Variants in NDUFV1 observed in about 807,000 individuals in gnomAD.
NDUFV1 encodes the protein NADH:ubiquinone oxidoreductase core subunit V1, also known as NADH dehydrogenase [ubiquinone] flavoprotein 1, mitochondrial.
Under a neutral mutation model 48.7 loss-of-function variants are expected in NDUFV1, and 41 were observed. That is an observed-to-expected ratio of 0.84 (90% CI 0.66 to 1.09). The LOEUF is 1.09. Ranked by LOEUF, NDUFV1 falls within the 50% of genes least tolerant of loss-of-function variation. The pLI is 0.00. For synonymous variants in NDUFV1, 231 were observed against 259.1 expected (o/e 0.89, Z 1.04); for missense variants, 580 against 645.4 (o/e 0.90, Z 1.10).
chr11:67,609,957 C>CA, intron 4 of NDUFV1: 1 of 366,016 alleles, frequency 2.7e-6, no homozygotes, highest in Middle Eastern at 7.5e-4. Context: ...TAAACAATTC[C>CA]TATTTGGAGA....
chr11:67,607,201 A>G (rs1213923351), intron 1 of NDUFV1, 125 bp downstream of exon 1: 1 of 1,104,610 alleles, frequency 9.1e-7, no homozygotes, highest in Non-Finnish European at 1.3e-6. Context: ...GCCAGGCGGG[A>G]AGGCCCCCGC....
Position 67,612,158 on chromosome 11 carries a change from A to AG in NDUFV1, c.1207dup (p.Asp403GlyfsTer27), listed in dbSNP as rs766830864. 5 of 1,612,662 alleles carry AG rather than the reference A, an allele frequency of 3.1e-6. No homozygotes were observed. Among genetic ancestry groups the AG allele is most frequent in the Non-Finnish European group, 3.4e-6 (4 of 1,179,662 alleles). Reference sequence around the variant, plus strand: ...GAACAAGGTGATGGCACGTTTCGTGAGGGGGGATGCCCGGCCGGCCGAGAT... The same window carrying AG: ...GAACAAGGTGATGGCACGTTTCGTGAGGGGGGGATGCCCGGCCGGCCGAGAT... On this transcript the variant is annotated frameshift_variant, in exon 9 of 10. Coordinates refer to ENST00000322776, the MANE Select transcript of NDUFV1 (RefSeq NM_007103.4). LOFTEE classifies it high-confidence loss of function. The surrounding 1 kb of genome is among the most constrained non-coding windows in gnomAD (Gnocchi z 4.4).
In NDUFV1 at chr11:67,609,438, G is replaced by A. The variant is rs1334813871; in HGVS notation, c.327-14G>A. ...GATGGCCCTGTAGCCTGTCTGACCT[G>A]TGGGCCCCTGCAGGCCCAAGTATCT... On this transcript the variant is annotated splice_polypyrimidine_tract_variant and intron_variant, in intron 3 of 9. Coordinates refer to ENST00000322776, the MANE Select transcript of NDUFV1 (RefSeq NM_007103.4). The A allele has an allele frequency of 1.2e-6, 2 of 1,612,980 alleles. No homozygotes were observed. The highest frequency in any genetic ancestry group is 2.2e-5 in the East Asian group (1 of 44,874).
intron 4 of NDUFV1, chr11:67,609,861 A>G (rs1346362674): frequency 1.7e-5 from 9 of 515,208 alleles, no homozygotes; most frequent in South Asian, 2.9e-5. Flanking sequence ...CTTCAAAAAT[A>G]TAGTATTTTT....
rs1178837030 is a variant in NDUFV1, at chr11:67,611,136, A to G, written c.842A>G (p.His281Arg). The change falls in exon 6 of 10, where the codon CAT (histidine) becomes CGT (arginine). Residue 281 changes from histidine (H) to arginine (R), a missense_variant. Coordinates refer to ENST00000322776, the MANE Select transcript of NDUFV1 (RefSeq NM_007103.4). The surrounding 1 kb of genome is among the most constrained non-coding windows in gnomAD (Gnocchi z 4.2). ...SGTKLFNISG[H>R]VNHPCTVEEE... ...ACCAAACTATTCAACATCTCTGGCC[A>G]TGTCAACCACCCTTGCACTGTGGAG... The G allele has an allele frequency of 1.9e-6, 3 of 1,614,246 alleles. No individual in the cohort carries two copies. Among genetic ancestry groups the G allele is most frequent in the Admixed American group, 1.7e-5 (1 of 60,036 alleles).
chr11:67,609,426 C>T, intron 3 of NDUFV1, 26 bp from the exon 4 acceptor site: 1 of 1,612,148 alleles, frequency 6.2e-7, no homozygotes, highest in Non-Finnish European at 8.5e-7. Flanking sequence ...GGCCCTGTAG[C>T]CTGTCTGACC....
chr11:67,608,426 C>A lies in NDUFV1; in HGVS notation c.103C>A (p.Leu35Met), dbSNP rs1403615200. The A allele has an allele frequency of 1.2e-6, 2 of 1,614,116 alleles. No homozygotes were observed. The highest frequency in any genetic ancestry group is 1.7e-6 in the Non-Finnish European group (2 of 1,180,016). Residue 35 changes from leucine (L) to methionine (M), a missense_variant, in exon 2 of 10, where the codon CTG (leucine) becomes ATG (methionine). Transcript: ENST00000322776. ...ACCCAAGAAAACCTCATTTGGCTCG[C>A]TGAAGGATGAAGACCGGATTTTCAC... is the stretch of plus-strand genomic sequence containing the variant. ...TAPKKTSFGS[L>M]KDEDRIFTNL...
At chr11:67,607,304 G>A (rs899064640) in intron 1 of NDUFV1, 1 of 694,302 alleles carries the variant, frequency 1.4e-6, no homozygotes, top group South Asian at 1.5e-5. Context: ...TACAGTCCTC[G>A]GCCTGGCGGA....
At position 67,608,732 on chromosome 11, in the gene NDUFV1, TG is replaced by T. The variant is rs1565224589; in HGVS notation, c.326+15del. ...AGCCCTCAGATGGCAGGTGTGTGTG[TG>T]GGGGCGGGGCAGATGTGGCTGTGGG... On this transcript the variant is annotated intron_variant, in intron 3 of 9. Transcript: ENST00000322776. 1 of 1,613,138 alleles carries T rather than the reference TG, an allele frequency of 6.2e-7. No homozygotes were observed. The highest frequency in any genetic ancestry group is 8.5e-7 in the Non-Finnish European group (1 of 1,179,830).
At chr11:67,607,367 C>T in intron 1 of NDUFV1, 1 of 614,450 alleles carries the variant, frequency 1.6e-6, no homozygotes, top group East Asian at 3.4e-5. Flanking sequence ...TTGTCACAGC[C>T]TTGTAGGGCG....
intron 1 of NDUFV1, chr11:67,608,096 G>A (rs889599537): frequency 2.2e-6 from 1 of 450,944 alleles, no homozygotes. Flanking sequence ...GCGTGGTGGT[G>A]AGTGCCTGTA....
At chr11:67,607,980 A>G (rs1854842079) in intron 1 of NDUFV1, among the ~76,000 whole-genome samples, 1 of 152,096 alleles carries the variant, frequency 6.6e-6, no homozygotes, top group Admixed American at 6.5e-5. Flanking sequence ...TAATCCCAGC[A>G]CTTTGGGAGG....
At chr11:67,609,417 G>C (rs1024604642) in intron 3 of NDUFV1, 35 bp from the exon 4 acceptor site, 1 of 1,609,832 alleles carries the variant, frequency 6.2e-7, no homozygotes. Flanking sequence ...AGTCCTGATG[G>C]CCCTGTAGCC....
chr11:67,610,396 G>A lies in NDUFV1; in HGVS notation c.526G>A (p.Ala176Thr). 2 of 1,614,184 alleles carry A rather than the reference G, an allele frequency of 1.2e-6. No individual in the cohort carries two copies. The highest frequency in any genetic ancestry group is 8.5e-7 in the Non-Finnish European group (1 of 1,180,038). The change falls in exon 5 of 10, where the codon GCC (alanine) becomes ACC (threonine). Residue 176 changes from alanine (A) to threonine (T), a missense_variant. By Grantham distance (58) the Ala-to-Thr change is moderately conservative. Coordinates refer to ENST00000322776, the MANE Select transcript of NDUFV1 (RefSeq NM_007103.4). ...ASNLQVAIRE[A>T]YEAGLIGKNA... ...TGTCCTGCAGGTGGCCATCCGAGAG[G>A]CCTATGAGGCAGGTCTGATTGGCAA...
chr11:67,608,250 T>G, intron 1 of NDUFV1, 146 bp from the exon 2 acceptor site: 10 of 755,886 alleles, frequency 1.3e-5, no homozygotes, highest in South Asian at 1.5e-5. Context: ...GCTTACTAAG[T>G]GGCAGTGGTA....
chr11:67,608,308 A>AGCCC, intron 1 of NDUFV1, 88 bp from the exon 2 acceptor site: 1 of 1,297,332 alleles, frequency 7.7e-7, no homozygotes, highest in South Asian at 1.2e-5. Flanking sequence ...GCCCCTCCTA[A>AGCCC]ATAGGGAGAC....
chr11:67,609,166 C>A (rs1201705910), intron 3 of NDUFV1, among the ~76,000 whole-genome samples: 1 of 152,128 alleles, frequency 6.6e-6, no homozygotes, highest in African/African-American at 2.4e-5. Flanking sequence ...CTCTTTGTCA[C>A]CAAGAGTAGA....
Position 67,611,490 on chromosome 11 carries a change from C to T in NDUFV1, c.1001C>T (p.Thr334Met), listed in dbSNP as rs773211506. The T allele has an allele frequency of 1.6e-5, 26 of 1,613,826 alleles. No homozygotes were observed. The highest frequency in any genetic ancestry group is 6.6e-5 in the South Asian group (6 of 90,992). The change falls in exon 7 of 10, where the codon ACG becomes ATG. Residue 334 changes from threonine (T) to methionine (M), a missense_variant. Transcript: ENST00000322776. This position sits in a 1 kb window ranked among gnomAD's most constrained non-coding sequence, Gnocchi z 4.2. The stretch of plus-strand genomic sequence containing the variant: ...CTGATCCCCAAGTCTGTGTGTGAGA[C>T]GGTGCTGATGGACTTCGATGCGCTG... ...TPLIPKSVCETVLMDFDALVQ... is the reference protein window; with the variant it reads ...TPLIPKSVCEMVLMDFDALVQ...
intron 3 of NDUFV1, 150 bp downstream of exon 3, chr11:67,608,872 T>A (rs748584949): frequency 9.2e-7 from 1 of 1,089,742 alleles, no homozygotes; most frequent in Non-Finnish European, 1.3e-6. Flanking sequence ...GGACTTACTC[T>A]GTGGACTTCC....
Sources: allele counts gnomAD v4.1 joint callset (sites outside exome capture counted in the v4.1 genomes callset), GRCh38; gene constraint gnomAD v4.1.1; non-coding constraint Gnocchi (gnomAD v3.1); transcripts MANE v1.5; gene names NCBI Gene and HGNC (gene_info 2026-07-23, HGNC 2026-07-21).